Variants in MTFR1 observed in about 807,000 individuals in gnomAD.
MTFR1 encodes the protein chondrocyte protein with a poly-proline region.
In MTFR1, 28 loss-of-function variants were observed where a neutral mutation model predicts 38.8. The observed-to-expected ratio is 0.72, with a 90% CI of 0.53 to 0.99. The LOEUF is 0.99. Among genes scored for constraint, MTFR1 ranks in the 50% least tolerant of loss-of-function variants. The pLI is 0.00. For missense variants in MTFR1, 358 were observed against 395.5 expected, an observed-to-expected ratio of 0.91 and a Z score of 0.81; for synonymous variants, 145 against 137.0, an observed-to-expected ratio of 1.06 and a Z score of -0.41.
intron 4 of MTFR1, among the ~76,000 whole-genome samples, chr8:65,703,704 G>A (rs1805691734): frequency 6.6e-6 from 1 of 151,874 alleles, no homozygotes; most frequent in African/African-American, 2.4e-5. Context: ...CAAAGTGCTG[G>A]TATTACAGGT....
intron 3 of MTFR1, among the ~76,000 whole-genome samples, chr8:65,733,702 A>T (rs1807000399): frequency 6.6e-6 from 1 of 152,224 alleles, no homozygotes; most frequent in Non-Finnish European, 1.5e-5. Context: ...GTATTACTGC[A>T]TGTAAGTTCT....
At chr8:65,719,716 T>G in intron 3 of MTFR1, 1 of 554,412 alleles carries the variant, frequency 1.8e-6, no homozygotes, top group Non-Finnish European at 3.2e-6. Flanking sequence ...TGAGTAAAAG[T>G]GAACTGACAA....
intron 3 of MTFR1, chr8:65,727,180 G>T: frequency 5.0e-6 from 8 of 1,587,708 alleles, no homozygotes; most frequent in Non-Finnish European, 6.9e-6. Flanking sequence ...CTTGTATAAA[G>T]TTGCCAAGTA....
At chr8:65,687,591 C>T (rs1018021673) in intron 3 of MTFR1, among the ~76,000 whole-genome samples, 2 of 152,018 alleles carry the variant, frequency 1.3e-5, no homozygotes, top group African/African-American at 2.4e-5. Context: ...GTGATCCGCC[C>T]GCCTCGGCCT....
intron 3 of MTFR1, among the ~76,000 whole-genome samples, chr8:65,691,562 G>A (rs1334745280): frequency 6.6e-6 from 1 of 152,166 alleles, no homozygotes; most frequent in Admixed American, 6.6e-5. Context: ...AAAGTGCCAG[G>A]ATTACAGGCG....
the MTFR1 span, among the ~76,000 whole-genome samples, chr8:65,776,573 T>G: frequency 6.6e-6 from 1 of 152,216 alleles, no homozygotes; most frequent in Non-Finnish European, 1.5e-5. Context: ...TTATCTTTAA[T>G]TTTTCTATGT....
chr8:65,724,215 G>T lies in MTFR1; in HGVS notation c.*48+4734G>T, dbSNP rs370427800. ...TATTCTTACGATGTTAAAAAAAAATGAACTGGATAGATTAATTATCACTCA... is the reference window on the plus strand; with the variant it reads ...TATTCTTACGATGTTAAAAAAAAATTAACTGGATAGATTAATTATCACTCA... On this transcript the variant is annotated intron_variant, in intron 3 of 3. Transcript: ENST00000521247. The T allele has an allele frequency of 1.5e-5, 19 of 1,271,180 alleles. No individual in the cohort carries two copies. The African/African-American group carries it at 2.3e-4, about 16-fold the overall frequency. 78.7% of individuals were successfully genotyped at this position (1,271,180 alleles called of 1,614,324 possible). A position where few individuals can be genotyped will look rare whatever the true frequency, so the allele number is the denominator to read the frequency against.
intron 2 of MTFR1, among the ~76,000 whole-genome samples, chr8:65,674,911 A>T (rs1340052295): frequency 1.3e-5 from 2 of 152,098 alleles, no homozygotes; most frequent in African/African-American, 2.4e-5. Context: ...TATAATGTGA[A>T]CCCAATTCTG....
intron 3 of MTFR1, among the ~76,000 whole-genome samples, chr8:65,721,340 A>G (rs915864834): frequency 2.0e-5 from 3 of 152,242 alleles, no homozygotes; most frequent in Admixed American, 2.0e-4. Flanking sequence ...TGACTTGTAC[A>G]TACTGCCCCT....
downstream of MTFR1, among the ~76,000 whole-genome samples, chr8:65,715,229 T>C (rs374468607): frequency 3.9e-4 from 59 of 152,228 alleles, no homozygotes; most frequent in African/African-American, 1.3e-3. Context: ...TCCAGTAATA[T>C]AGGTCGTATT....
rs144780515 is a variant in MTFR1 at position 65,693,827 on chromosome 8, G to T, written c.281+68G>T. 1.3e-3 allele frequency: 1,598 copies of T among 1,227,534 alleles called. 18 individuals are homozygous for T. The African/African-American group carries it at 0.022, about 17-fold the overall frequency. 76.0% of individuals were successfully genotyped at this position (1,227,534 alleles called of 1,614,324 possible). On this transcript the variant is annotated intron_variant, in intron 4 of 7. Coordinates refer to ENST00000262146, the MANE Select transcript of MTFR1 (RefSeq NM_014637.4). ...TTTTTAAAGAATGATATTATTTGCA[G>T]TACTTATTTTTAATAGCCTAATTTT...
intron 3 of MTFR1, chr8:65,765,486 C>A: frequency 3.0e-5 from 1 of 32,878 alleles, no homozygotes; most frequent in Non-Finnish European, 4.8e-5. Context: ...GAGACTCCGT[C>A]TCAAAAAAAA....
At chr8:65,683,020 C>G in intron 3 of MTFR1, 2 of 714,728 alleles carry the variant, frequency 2.8e-6, no homozygotes, top group South Asian at 6.3e-5. Context: ...AGTCTTAGAA[C>G]TTTTGAAGGT....
intron 1 of MTFR1, among the ~76,000 whole-genome samples, chr8:65,650,039 A>G (rs1052965145): frequency 6.6e-6 from 1 of 150,752 alleles, no homozygotes; most frequent in African/African-American, 2.4e-5. Flanking sequence ...GGGTTTCACT[A>G]CGTTGGCCAG....
intron 3 of MTFR1, among the ~76,000 whole-genome samples, chr8:65,761,702 G>A (rs1585887387): frequency 6.6e-6 from 1 of 152,158 alleles, no homozygotes; most frequent in African/African-American, 2.4e-5. Context: ...TAGTGATCAC[G>A]GGTATTACTT....
At chr8:65,664,195 A>G (rs1400625678) in intron 1 of MTFR1, among the ~76,000 whole-genome samples, 1 of 152,224 alleles carries the variant, frequency 6.6e-6, no homozygotes, top group East Asian at 1.9e-4. Flanking sequence ...CGAATGCTCA[A>G]GAGAAATGAG....
chr8:65,708,264 G>T (rs757247542), intron 7 of MTFR1: 2 of 681,086 alleles, frequency 2.9e-6, no homozygotes, highest in Non-Finnish European at 4.6e-6. Context: ...ACTTGTAGAA[G>T]AGCAGAAAGA....
At chr8:65,646,135 T>G (rs1187565819) in intron 1 of MTFR1, among the ~76,000 whole-genome samples, 1 of 152,224 alleles carries the variant, frequency 6.6e-6, no homozygotes, top group African/African-American at 2.4e-5. Flanking sequence ...AATTTCTATT[T>G]GTCGAGTTCT....
intron 3 of MTFR1, among the ~76,000 whole-genome samples, chr8:65,769,106 G>C (rs1204496566): frequency 6.6e-6 from 1 of 151,870 alleles, no homozygotes; most frequent in African/African-American, 2.4e-5. Flanking sequence ...AAATTAGCCG[G>C]GCGTGATGGC....
Sources: allele counts gnomAD v4.1 joint callset (sites outside exome capture counted in the v4.1 genomes callset), GRCh38; gene constraint gnomAD v4.1.1; transcripts MANE v1.5; gene names NCBI Gene and HGNC (gene_info 2026-07-23, HGNC 2026-07-21).